The following PSMA4 variants were observed in gnomAD, a reference collection of about 807,000 sequenced individuals.
The protein encoded by PSMA4 is proteasome subunit alpha type-4.
A neutral mutation model predicts 37.2 loss-of-function variants in PSMA4; 8 were observed. The observed-to-expected ratio is 0.22, with a 90% CI of 0.13 to 0.39. The LOEUF (loss-of-function observed/expected upper bound fraction) is 0.39. Among genes scored for constraint, PSMA4 ranks in the 10% least tolerant of loss-of-function variants. PSMA4 has a pLI of 1.00. For synonymous variants in PSMA4, 93 were observed against 98.8 expected (o/e 0.94, Z 0.35); for missense variants, 169 against 305.1 (o/e 0.55, Z 3.32).
intron 6 of PSMA4, 61 bp downstream of exon 6, chr15:78,545,018 C>G: frequency 8.5e-7 from 1 of 1,182,650 alleles, no homozygotes; most frequent in South Asian, 1.5e-5. Flanking sequence ...AGTTATAACC[C>G]TTTTGAGGTA....
In PSMA4 at chr15:78,548,964, C is replaced by T. The variant is rs537579581; in HGVS notation, c.*20C>T. ...AAATAGAATCAGAGATTTTATTACT[C>T]ATTTGGGGCACCATTTCAGTGTAAA... is the stretch of plus-strand genomic sequence containing the variant. On this transcript the variant is annotated 3_prime_UTR_variant, in exon 9 of 9. Transcript: ENST00000044462. 1.3e-4 allele frequency: 203 copies of T among 1,593,348 alleles called. No homozygotes were observed. Among genetic ancestry groups the T allele is most frequent in the East Asian group, 3.1e-4 (14 of 44,672 alleles).
chr15:78,548,768 A>G (rs1191356895), intron 8 of PSMA4, 22 bp from the exon 9 acceptor site: 2 of 1,596,086 alleles, frequency 1.3e-6, no homozygotes, highest in Non-Finnish European at 1.7e-6. Flanking sequence ...CAATACAAAT[A>G]AATGTATGTG....
chr15:78,551,908 G>T lies in PSMA4; in HGVS notation c.*2964G>T, dbSNP rs1156935761. 6.6e-6 allele frequency: 1 copy of T among 152,078 alleles called. No homozygotes were observed. The highest frequency in any genetic ancestry group is 1.5e-5 in the Non-Finnish European group (1 of 68,036). 9.4% of individuals were successfully genotyped at this position (152,078 alleles called of 1,614,324 possible). A position where few individuals can be genotyped will look rare whatever the true frequency, so the allele number is the denominator to read the frequency against. Reference sequence around the variant, plus strand: ...TATAGTTTGCCGCCACATTAGGAAAGTCTTCAGAATTTGACCCTAACAGCA... The same window carrying T: ...TATAGTTTGCCGCCACATTAGGAAATTCTTCAGAATTTGACCCTAACAGCA... On this transcript the variant is annotated 3_prime_UTR_variant, in exon 9 of 9. Transcript: ENST00000044462.
intron 4 of PSMA4, among the ~76,000 whole-genome samples, chr15:78,543,485 C>G (rs928787482): frequency 6.6e-5 from 10 of 152,080 alleles, no homozygotes; most frequent in Non-Finnish European, 1.3e-4. Flanking sequence ...TGTAAACCCT[C>G]CTGCCATTGT....
At chr15:78,541,846 G>T in intron 1 of PSMA4, 59 bp from the exon 2 acceptor site, 2 of 1,380,082 alleles carry the variant, frequency 1.4e-6, no homozygotes, top group Non-Finnish European at 2.1e-6. Context: ...TGTAAAGTCA[G>T]CAAATGCTTT....
At chr15:78,546,360 G>A (rs879291060) in intron 7 of PSMA4, among the ~76,000 whole-genome samples, 3 of 151,818 alleles carry the variant, frequency 2.0e-5, no homozygotes, top group Admixed American at 2.0e-4. Flanking sequence ...GGGAGGAGGA[G>A]CACCTGAGCC....
At chr15:78,544,295 AT>A in intron 5 of PSMA4, 28 bp downstream of exon 5, 2 of 1,411,794 alleles carry the variant, frequency 1.4e-6, no homozygotes, top group Admixed American at 2.1e-5. Flanking sequence ...ATAACTGATG[AT>A]ACAGAAATTA....
At chr15:78,546,019 G>A (rs1413722223) in intron 7 of PSMA4, among the ~76,000 whole-genome samples, 1 of 152,142 alleles carries the variant, frequency 6.6e-6, no homozygotes, top group African/African-American at 2.4e-5. Context: ...TTCACATCTA[G>A]TTTACAGACC....
At chr15:78,544,142 T>C (rs1412284968) in intron 4 of PSMA4, 48 bp from the exon 5 acceptor site, 2 of 1,409,252 alleles carry the variant, frequency 1.4e-6, no homozygotes, top group African/African-American at 2.9e-5. Flanking sequence ...TAAACACTCC[T>C]TGCAAGCATC....
intron 5 of PSMA4, 108 bp downstream of exon 5, chr15:78,544,375 G>GTGC: frequency 1.2e-5 from 8 of 672,980 alleles, no homozygotes; most frequent in South Asian, 1.2e-4. Flanking sequence ...GAGTGCAGTG[G>GTGC]CACGATCTTG....
intron 7 of PSMA4, 121 bp from the exon 8 acceptor site, chr15:78,546,448 CAAAAAA>C (rs11350747): frequency 3.0e-6 from 2 of 656,518 alleles, no homozygotes; most frequent in African/African-American, 2.2e-5. Context: ...GCCCCTGTGT[CAAAAAA>C]AAAAAAAAAA....
At chr15:78,544,664 T>G in intron 5 of PSMA4, 1 of 491,634 alleles carries the variant, frequency 2.0e-6, no homozygotes, top group Non-Finnish European at 3.6e-6. Flanking sequence ...ATCTTTGAAT[T>G]GAAAATTACA....
At chr15:78,548,614 A>C (rs145244835) in intron 8 of PSMA4, among the ~76,000 whole-genome samples, 176 bp from the exon 9 acceptor site, 209 of 152,352 alleles carry the variant, frequency 1.4e-3, no homozygotes, top group African/African-American at 4.7e-3. Flanking sequence ...AAACATTACA[A>C]GATCAAAAGT....
rs11551774 is a variant in PSMA4 at position 78,544,920 on chromosome 15, G to A, written c.339G>A (p.Ala113=). The part of the protein sequence containing the change: ...EPIPCEQLVT[A]LCDIKQAYTQ... ...TACCTTGTGAGCAGTTGGTTACAGC[G>A]CTGTGTGATATCAAACAAGCTTATA... Residue 113 remains alanine (A), a synonymous_variant, in exon 6 of 9, where the codon GCG becomes GCA. Transcript: ENST00000044462. 12,839 of 1,610,976 alleles carry A rather than the reference G, an allele frequency of 8.0e-3. 106 individuals carry two copies. The highest frequency in any genetic ancestry group is 0.034 in the Admixed American group (2,033 of 59,726).
Position 78,549,127 on chromosome 15 carries a change from C to T in PSMA4, c.*183C>T. On this transcript the variant is annotated 3_prime_UTR_variant, in exon 9 of 9. Transcript: ENST00000044462. Reference sequence around the variant, plus strand: ...CTTTATTGTAACGATGATGGTTACCCTTCATGGACGTCTTAATCTTCCACA... The same window carrying T: ...CTTTATTGTAACGATGATGGTTACCTTTCATGGACGTCTTAATCTTCCACA... 1 of 925,806 alleles carries T rather than the reference C, an allele frequency of 1.1e-6. No individual in the cohort carries two copies. The highest frequency in any genetic ancestry group is 1.4e-6 in the Non-Finnish European group (1 of 707,518). The allele number at this position is 925,806 out of a possible 1,614,324, so 57.3% of individuals were successfully genotyped here.
intron 8 of PSMA4, 92 bp from the exon 9 acceptor site, chr15:78,548,698 T>C (rs2052599153): frequency 2.0e-6 from 3 of 1,492,942 alleles, no homozygotes; most frequent in Non-Finnish European, 2.7e-6. Context: ...TTCAATGATG[T>C]GGCGAGCATA....
At chr15:78,542,413 G>C (rs2052471069) in intron 3 of PSMA4, 70 bp from the exon 4 acceptor site, 1 of 1,540,924 alleles carries the variant, frequency 6.5e-7, no homozygotes, top group East Asian at 2.3e-5. Flanking sequence ...CTTCATTGCT[G>C]ATTTCTTTTG....
chr15:78,542,693 C>A, intron 4 of PSMA4, 48 bp downstream of exon 4: 1 of 1,513,592 alleles, frequency 6.6e-7, no homozygotes. Context: ...CACTTTCTCA[C>A]ATAAGTGGGA....
intron 2 of PSMA4, 101 bp downstream of exon 2, chr15:78,542,031 G>A (rs2052462721): frequency 6.7e-7 from 1 of 1,482,728 alleles, no homozygotes; most frequent in Non-Finnish European, 9.3e-7. Context: ...AAGGAAAGCA[G>A]TGAGAAGGTG....
Sources: allele counts gnomAD v4.1 joint callset (sites outside exome capture counted in the v4.1 genomes callset), GRCh38; gene constraint gnomAD v4.1.1; transcripts MANE v1.5; gene names NCBI Gene and HGNC (gene_info 2026-07-23, HGNC 2026-07-21).